Variants in DAB1 observed in about 807,000 individuals in gnomAD.
DAB1 encodes the protein disabled homolog 1.
In DAB1, 15 loss-of-function variants were observed where a neutral mutation model predicts 64.6. The ratio of observed to expected loss-of-function variants is 0.23; its 90% CI spans 0.16 to 0.36. DAB1 has a LOEUF of 0.36. DAB1 is among the 10% of genes least tolerant of loss of function. The pLI, the probability that DAB1 is intolerant of heterozygous loss-of-function variation, is 1.00. For missense variants in DAB1, 596 were observed against 706.7 expected (o/e 0.84, Z 1.78); for synonymous variants, 235 against 251.9 (o/e 0.93, Z 0.64).
At chr1:57,733,990 T>C (rs577702266) in intron 6 of DAB1, among the ~76,000 whole-genome samples, 55 of 152,108 alleles carry the variant, frequency 3.6e-4, no homozygotes, top group Non-Finnish European at 6.8e-4. Context: ...GAGGAGATTA[T>C]TTCCACCAAC....
intron 5 of DAB1, among the ~76,000 whole-genome samples, chr1:57,990,724 A>C (rs557297597): frequency 2.0e-5 from 3 of 152,210 alleles, no homozygotes; most frequent in Non-Finnish European, 4.4e-5. Flanking sequence ...TAGGGGCAGC[A>C]GTATGCTGGT....
At chr1:57,675,293 A>G (rs1270840149) in intron 6 of DAB1, among the ~76,000 whole-genome samples, 2 of 152,232 alleles carry the variant, frequency 1.3e-5, no homozygotes, top group African/African-American at 2.4e-5. Context: ...ATTGTCTAAG[A>G]AAATAAGGGC....
chr1:57,923,350 G>C (rs922666103), intron 5 of DAB1, among the ~76,000 whole-genome samples: 2 of 152,170 alleles, frequency 1.3e-5, no homozygotes, highest in African/African-American at 4.8e-5. Context: ...ACGCCCAGGA[G>C]CCAGCTGGTG....
intron 5 of DAB1, among the ~76,000 whole-genome samples, chr1:58,089,119 T>C (rs566521501): frequency 1.2e-4 from 18 of 152,328 alleles, no homozygotes; most frequent in African/African-American, 2.2e-4. Context: ...TGAAAATCCA[T>C]GCCATTTTTT....
upstream of DAB1, among the ~76,000 whole-genome samples, chr1:57,886,366 C>T (rs1644222557): frequency 6.6e-6 from 1 of 152,192 alleles, no homozygotes; most frequent in African/African-American, 2.4e-5. Context: ...GCTATGTTGG[C>T]CAGGCTGGTC....
At chr1:57,418,138 G>A (rs528141304) in intron 1 of DAB1, among the ~76,000 whole-genome samples, 6 of 152,304 alleles carry the variant, frequency 3.9e-5, no homozygotes, top group Middle Eastern at 3.4e-3. Context: ...CAGAGCCAGA[G>A]TCAAGCACAA....
chr1:57,136,402 A>G (rs563404744), intron 4 of DAB1, 141 bp downstream of exon 4: 24 of 428,406 alleles, frequency 5.6e-5, no homozygotes, highest in African/African-American at 3.6e-4. Context: ...GCTTTGATGG[A>G]TGATCAGAGT....
chr1:57,657,436 C>T (rs377757529), intron 6 of DAB1, among the ~76,000 whole-genome samples: 9 of 152,344 alleles, frequency 5.9e-5, no homozygotes, highest in African/African-American at 2.2e-4. Flanking sequence ...GGATCCTGAG[C>T]TTTCTTAGCT....
chr1:57,421,917 C>CGGGGGGGGGGGGGGGGGGGGG (rs200226853), intron 1 of DAB1, among the ~76,000 whole-genome samples: 1 of 6,820 alleles, frequency 1.5e-4, no homozygotes, highest in African/African-American at 3.7e-4. Context: ...GGGGGGGTGG[C>CGGGGGGGGGGGGGGGGGGGGG]GGGGGGGGGT....
chr1:58,147,455 A>G (rs946965625), intron 5 of DAB1, among the ~76,000 whole-genome samples: 1 of 151,884 alleles, frequency 6.6e-6, no homozygotes, highest in African/African-American at 2.4e-5. Flanking sequence ...CCTCTCTACC[A>G]AAAATACAAA....
chr1:57,732,973 C>T (rs3131728), intron 6 of DAB1, among the ~76,000 whole-genome samples: 12,087 of 152,118 alleles, frequency 0.079, 1,386 homozygotes, highest in African/African-American at 0.25. Context: ...TTGCATGGTG[C>T]CCTGCAAATT....
At position 58,527,135 on chromosome 1, in the gene DAB1, A is replaced by G; in HGVS notation, n.107+126T>C. 4.9e-6 allele frequency: 3 copies of G among 612,864 alleles called. 1 individual carries two copies. In the South Asian group the frequency reaches 6.1e-5, roughly 12 times the overall value. 38.0% of individuals were successfully genotyped at this position (612,864 alleles called of 1,614,324 possible). A position where few individuals can be genotyped will look rare whatever the true frequency, so the allele number is the denominator to read the frequency against. Reference sequence around the variant, plus strand: ...TCTTCAAATTTCTAGATTAACAGAAATTACATAAAGGGCTAATACAGTCCA... The same window carrying G: ...TCTTCAAATTTCTAGATTAACAGAAGTTACATAAAGGGCTAATACAGTCCA... On this transcript the variant is annotated intron_variant and non_coding_transcript_variant, in intron 2 of 20. Transcript: ENST00000485760.
intron 7 of DAB1, among the ~76,000 whole-genome samples, chr1:57,529,512 GTTGAAA>G (rs1644636153): frequency 6.6e-6 from 1 of 151,912 alleles, no homozygotes; most frequent in South Asian, 2.1e-4. Flanking sequence ...ACACAGAGAA[GTTGAAA>G]TTGAAAGAAT....
chr1:57,146,538 AGGCCTTTCTATATT>A (rs1352613564), intron 2 of DAB1, among the ~76,000 whole-genome samples: 2 of 145,066 alleles, frequency 1.4e-5, no homozygotes, highest in Non-Finnish European at 3.1e-5. Context: ...GTGCAAACTA[AGGCCTTTCTATATT>A]GTGGGGTTGA....
intron 5 of DAB1, among the ~76,000 whole-genome samples, chr1:58,113,800 GGA>G (rs1416975427): frequency 2.6e-5 from 4 of 152,126 alleles, no homozygotes; most frequent in Non-Finnish European, 5.9e-5. Context: ...GTTTTCAGTA[GGA>G]GTTTTGTGTA....
chr1:58,043,209 G>C (rs886528703), intron 5 of DAB1, among the ~76,000 whole-genome samples: 3 of 152,104 alleles, frequency 2.0e-5, no homozygotes, highest in Admixed American at 1.3e-4. Flanking sequence ...CTTTTGAGCC[G>C]ATCTTGTTAG....
At chr1:58,533,558 T>C (rs1030024444) in intron 1 of DAB1, among the ~76,000 whole-genome samples, 6 of 152,144 alleles carry the variant, frequency 3.9e-5, no homozygotes, top group African/African-American at 1.2e-4. Context: ...CCTCTGAGAA[T>C]GAATAAAAAA....
chr1:57,738,903 C>T (rs1398507350), intron 6 of DAB1, among the ~76,000 whole-genome samples: 7 of 152,128 alleles, frequency 4.6e-5, no homozygotes, highest in African/African-American at 1.7e-4. Flanking sequence ...TGCCACACTT[C>T]GAGGTTGGAA....
intron 4 of DAB1, among the ~76,000 whole-genome samples, chr1:57,085,036 G>A (rs1286112867): frequency 1.3e-5 from 2 of 152,162 alleles, no homozygotes; most frequent in African/African-American, 4.8e-5. Context: ...CCGTTCTGTA[G>A]CCATCTCCTT....
Sources: gnomAD v4.1 joint callset for allele counts (sites outside exome capture counted in the v4.1 genomes callset) on GRCh38, gnomAD v4.1.1 for gene constraint, MANE v1.5 for transcripts, NCBI Gene and HGNC (gene_info 2026-07-23, HGNC 2026-07-21) for gene names.